Variants in CAMKMT observed in about 807,000 individuals in gnomAD.
CAMKMT encodes the protein calmodulin-lysine N-methyltransferase, also known as CaM KMT.
Under a neutral mutation model 48.0 loss-of-function variants are expected in CAMKMT, and 53 were observed. The observed-to-expected ratio is 1.10, with a 90% CI of 0.89 to 1.39. CAMKMT has a LOEUF of 1.39. Among genes scored for constraint, CAMKMT ranks in the 40% most tolerant of loss-of-function variants. CAMKMT has a pLI of 0.00. For synonymous variants in CAMKMT, 165 were observed against 152.3 expected (o/e 1.08, Z -0.61); for missense variants, 428 against 402.7 (o/e 1.06, Z -0.54).
chr2:44,656,940 A>T (rs1429000757), intron 3 of CAMKMT, among the ~76,000 whole-genome samples: 2 of 152,172 alleles, frequency 1.3e-5, no homozygotes, highest in East Asian at 3.8e-4. Context: ...CTCCTTATAC[A>T]CCAGGGCCAC....
intron 3 of CAMKMT, among the ~76,000 whole-genome samples, chr2:44,408,194 T>G (rs770011329): frequency 4.2e-4 from 64 of 151,758 alleles, no homozygotes; most frequent in Non-Finnish European, 1.2e-4. Flanking sequence ...TCCAGCTAAT[T>G]TTTGTATTTT....
chr2:44,650,233 G>C (rs866404572), intron 3 of CAMKMT, among the ~76,000 whole-genome samples: 16 of 152,178 alleles, frequency 1.1e-4, no homozygotes, highest in African/African-American at 3.9e-4. Context: ...AATCTTTGGC[G>C]TCCCTGGGCT....
At chr2:44,627,397 G>A (rs992212517) in intron 3 of CAMKMT, among the ~76,000 whole-genome samples, 13 of 152,128 alleles carry the variant, frequency 8.5e-5, no homozygotes, top group African/African-American at 2.2e-4. Context: ...TGCTGGACTC[G>A]TAAAATACAC....
chr2:44,542,892 C>CG (rs1255853432), intron 3 of CAMKMT, among the ~76,000 whole-genome samples: 1 of 152,010 alleles, frequency 6.6e-6, no homozygotes, highest in African/African-American at 2.4e-5. Context: ...GGTCAGATGG[C>CG]GGGAGATCCT....
At chr2:44,395,303 G>T (rs1681729322) in intron 3 of CAMKMT, among the ~76,000 whole-genome samples, 1 of 152,026 alleles carries the variant, frequency 6.6e-6, no homozygotes, top group South Asian at 2.1e-4. Context: ...ATGCATATAT[G>T]TAGCATGTGT....
chr2:44,528,645 A>G (rs906479933), intron 3 of CAMKMT, among the ~76,000 whole-genome samples: 1 of 152,164 alleles, frequency 6.6e-6, no homozygotes, highest in Non-Finnish European at 1.5e-5. Context: ...TTTGAATCAC[A>G]TCCAAACAGT....
chr2:44,448,950 A>G (rs903645072), intron 3 of CAMKMT, among the ~76,000 whole-genome samples: 1 of 152,160 alleles, frequency 6.6e-6, no homozygotes, highest in Non-Finnish European at 1.5e-5. Flanking sequence ...ATCTGTAGAG[A>G]CAGTAGATTA....
intron 2 of CAMKMT, among the ~76,000 whole-genome samples, chr2:44,383,098 A>G (rs61534492): frequency 0.038 from 5,645 of 150,070 alleles, 352 homozygotes; most frequent in African/African-American, 0.13. Flanking sequence ...CTGTGCATGC[A>G]TGACCCTGAT....
Position 44,362,139 on chromosome 2 carries a change from G to A in CAMKMT, c.132G>A (p.Leu44=). Residue 44 remains leucine (L), a synonymous_variant, in exon 1 of 11, where the codon CTG becomes CTA. Coordinates refer to ENST00000378494, the MANE Select transcript of CAMKMT (RefSeq NM_024766.5). ...APLGAARWKL[L]RQVLKQKHLD... ...TGGGAGCCGCCCGGTGGAAGCTCCT[G>A]CGGCAGGTAAGGGAGAACCTGCTCG... The A allele has an allele frequency of 6.8e-7, 1 of 1,476,310 alleles. No individual in the cohort carries two copies. Among genetic ancestry groups the A allele is most frequent in the Non-Finnish European group, 8.9e-7 (1 of 1,125,254 alleles). The allele number at this position is 1,476,310 out of a possible 1,614,324, so 91.5% of individuals were successfully genotyped here.
intron 3 of CAMKMT, among the ~76,000 whole-genome samples, chr2:44,545,919 ATGAACAAGC>A (rs1021368087): frequency 6.6e-6 from 1 of 152,102 alleles, no homozygotes; most frequent in Non-Finnish European, 1.5e-5. Flanking sequence ...TGATCCTTTG[ATGAACAAGC>A]TATAAGATTC....
intron 5 of CAMKMT, among the ~76,000 whole-genome samples, chr2:44,706,929 G>A (rs1573125508): frequency 5.9e-5 from 9 of 151,914 alleles, no homozygotes; most frequent in Admixed American, 5.9e-4. Context: ...CAAACCTGTC[G>A]CTCTTATACA....
chr2:44,641,278 C>T (rs1673438384), intron 3 of CAMKMT, among the ~76,000 whole-genome samples: 1 of 152,082 alleles, frequency 6.6e-6, no homozygotes, highest in South Asian at 2.1e-4. Context: ...CTACGGTTGC[C>T]TATTCTTTTT....
chr2:44,611,498 A>G (rs573963451), intron 3 of CAMKMT, among the ~76,000 whole-genome samples: 154 of 152,190 alleles, frequency 1.0e-3, no homozygotes, highest in African/African-American at 3.5e-3. Flanking sequence ...AATTTTGACT[A>G]CAATTAATAG....
intron 3 of CAMKMT, among the ~76,000 whole-genome samples, chr2:44,526,728 T>C (rs1666130063): frequency 6.6e-6 from 1 of 152,180 alleles, no homozygotes; most frequent in Admixed American, 6.5e-5. Flanking sequence ...TTTTACAGTC[T>C]ACTGATTCAA....
intron 3 of CAMKMT, among the ~76,000 whole-genome samples, chr2:44,587,668 A>C (rs1340247258): frequency 8.7e-6 from 1 of 115,256 alleles, no homozygotes. Context: ...TTTGGTGGAG[A>C]CGGGGTTTTG....
chr2:44,578,876 T>C (rs1251771583), intron 3 of CAMKMT, among the ~76,000 whole-genome samples: 1 of 152,248 alleles, frequency 6.6e-6, no homozygotes, highest in Non-Finnish European at 1.5e-5. Context: ...AATGACTATT[T>C]GGTACAGGCA....
chr2:44,649,342 G>GA (rs1376375688), intron 3 of CAMKMT, among the ~76,000 whole-genome samples: 1 of 151,988 alleles, frequency 6.6e-6, no homozygotes, highest in Non-Finnish European at 1.5e-5. Flanking sequence ...GTACTAAGAT[G>GA]AAAAAACAGG....
chr2:44,493,289 C>T (rs542191913), intron 3 of CAMKMT, among the ~76,000 whole-genome samples: 1 of 152,140 alleles, frequency 6.6e-6, no homozygotes, highest in Non-Finnish European at 1.5e-5. Context: ...CTAAAGTCAC[C>T]TGTGCCAGGT....
intron 3 of CAMKMT, among the ~76,000 whole-genome samples, chr2:44,615,722 C>T (rs181696450): frequency 9.8e-4 from 149 of 152,024 alleles, no homozygotes; most frequent in African/African-American, 3.5e-3. Context: ...GTTTTTTTAA[C>T]CACACCCTAT....
Sources: allele counts gnomAD v4.1 joint callset (sites outside exome capture counted in the v4.1 genomes callset), GRCh38; gene constraint gnomAD v4.1.1; transcripts MANE v1.5; gene names NCBI Gene and HGNC (gene_info 2026-07-23, HGNC 2026-07-21).